The following SYCP3 variants were observed in gnomAD, a reference collection of about 807,000 sequenced individuals.
The protein encoded by SYCP3 is synaptonemal complex protein 3.
SYCP3 carries 29 observed loss-of-function variants against 38.5 expected under a neutral mutation model. That is an observed-to-expected ratio of 0.75 (90% CI 0.56 to 1.03). SYCP3 has a LOEUF of 1.03. Among genes scored for constraint, SYCP3 ranks in the 50% least tolerant of loss-of-function variants. The pLI is 0.00. For synonymous variants in SYCP3, 79 were observed against 80.3 expected (o/e 0.98, Z 0.08); for missense variants, 242 against 270.7 (o/e 0.89, Z 0.74).
At chr12:101,739,017 G>C (rs1225699813) in intron 1 of SYCP3, among the ~76,000 whole-genome samples, 1 of 152,250 alleles carries the variant, frequency 6.6e-6, no homozygotes, top group Non-Finnish European at 1.5e-5. Context: ...ACAGGCAGAA[G>C]ATTTCGACAA....
chr12:101,730,081 G>GTTT lies in SYCP3; in HGVS notation c.553-871_553-869dup, dbSNP rs1281071915. 2.0e-5 allele frequency among the ~76,000 whole-genome samples: 3 copies of GTTT among 152,244 alleles called. No individual in the cohort carries two copies. The East Asian group carries it at 5.8e-4, about 29-fold the overall frequency. On this transcript the variant is annotated intron_variant, in intron 7 of 8. Transcript: ENST00000392924. ...AATTTAGAACAGGAGGCTACTGACA[G>GTTT]TTTTTCAAGAGGGAAGAGATATATT...
rs1468068714 is a variant in SYCP3 at position 101,731,570 on chromosome 12, T to C, written c.550A>G (p.Lys184Glu). 6.3e-7 allele frequency: 1 copy of C among 1,598,526 alleles called. No homozygotes were observed. Among genetic ancestry groups the C allele is most frequent in the South Asian group, 1.1e-5 (1 of 88,628 alleles). The change falls in exon 7 of 9, where the codon AAG becomes GAG. Residue 184 changes from lysine (K) to glutamate (E), a missense_variant and splice_region_variant. Lys to Glu is a moderately conservative substitution (Grantham distance 56, BLOSUM62 1). Transcript: ENST00000392924. ...TIKQLYEQFI[K>E]SMEELEKNHD... ...TTGTGTTACCACATACAACAAACCT[T>C]TATGAACTGCTCATATAACTGTTTA...
At chr12:101,734,513 A>G (rs1423915368) in intron 5 of SYCP3, among the ~76,000 whole-genome samples, 2 of 152,232 alleles carry the variant, frequency 1.3e-5, no homozygotes, top group Non-Finnish European at 2.9e-5. Flanking sequence ...GAGTGAGGTT[A>G]TAGGGCTACA....
rs193125752 is a variant in SYCP3 at position 101,734,059 on chromosome 12, T to C, written c.354-385A>G. Among the ~76,000 whole-genome samples, 327 of 152,318 alleles carry C rather than the reference T, an allele frequency of 2.1e-3. 1 individual carries two copies. Among genetic ancestry groups the C allele is most frequent in the African/African-American group, 7.5e-3 (310 of 41,586 alleles). On this transcript the variant is annotated intron_variant, in intron 5 of 8. Transcript: ENST00000392924. ...GTATTTATCCTATAAGATTTCTAAATAGAAATAGTTCGCTTAATTTTTTTC... is the reference window on the plus strand; with the variant it reads ...GTATTTATCCTATAAGATTTCTAAACAGAAATAGTTCGCTTAATTTTTTTC...
At chr12:101,738,095 A>G in intron 1 of SYCP3, 143 bp from the exon 2 acceptor site, 2 of 939,456 alleles carry the variant, frequency 2.1e-6, no homozygotes, top group Non-Finnish European at 3.2e-6. Flanking sequence ...TGGGGGGCCA[A>G]AAGTTAAGAA....
At chr12:101,735,426 T>C (rs1952364120) in intron 4 of SYCP3, among the ~76,000 whole-genome samples, 1 of 152,014 alleles carries the variant, frequency 6.6e-6, no homozygotes, top group African/African-American at 2.4e-5. Flanking sequence ...ACTTTGGGAG[T>C]CTGAGGCAGG....
intron 5 of SYCP3, among the ~76,000 whole-genome samples, chr12:101,734,607 G>GT (rs1006780793): frequency 3.3e-5 from 5 of 151,850 alleles, no homozygotes; most frequent in East Asian, 3.9e-4. Flanking sequence ...TTCTTTTCTT[G>GT]TTTTTTTTGA....
At chr12:101,735,486 G>A (rs373818484) in intron 4 of SYCP3, among the ~76,000 whole-genome samples, 3 of 151,884 alleles carry the variant, frequency 2.0e-5, no homozygotes, top group Admixed American at 6.6e-5. Flanking sequence ...CGTGGTGAAA[G>A]CCTGTCTCTA....
intron 3 of SYCP3, 71 bp downstream of exon 3, chr12:101,737,161 A>G: frequency 1.9e-6 from 3 of 1,602,226 alleles, no homozygotes; most frequent in Admixed American, 1.7e-5. Flanking sequence ...AGTATTTTAC[A>G]TATATTATTT....
chr12:101,732,577 A>G (rs775390225), intron 6 of SYCP3: 1 of 151,850 alleles, frequency 6.6e-6, no homozygotes, highest in Non-Finnish European at 1.5e-5. Context: ...ACTTTAAATC[A>G]TTTCTAGATC....
chr12:101,735,871 A>ATATATATATATATATTTTTTTTTTT, intron 4 of SYCP3, among the ~76,000 whole-genome samples: 37 of 74,694 alleles, frequency 5.0e-4, no homozygotes, highest in East Asian at 2.7e-3. Context: ...ATATATATAT[A>ATATATATATATATATTTTTTTTTTT]TTTTTTTTTT....
intron 1 of SYCP3, 180 bp downstream of exon 1, chr12:101,739,171 G>T: frequency 1.3e-5 from 3 of 231,908 alleles, no homozygotes; most frequent in Non-Finnish European, 2.1e-5. Flanking sequence ...CCCAGCCCCA[G>T]CCCAGCCCGC....
At chr12:101,735,871 A>ATATATATATATATTTTTTTTTT in intron 4 of SYCP3, among the ~76,000 whole-genome samples, 7 of 74,758 alleles carry the variant, frequency 9.4e-5, no homozygotes, top group African/African-American at 4.4e-4. Flanking sequence ...ATATATATAT[A>ATATATATATATATTTTTTTTTT]TTTTTTTTTT....
chr12:101,737,745 A>G lies in SYCP3; in HGVS notation c.133+58T>C, dbSNP rs371076059. The G allele has an allele frequency of 3.2e-5, 51 of 1,610,734 alleles. No individual in the cohort carries two copies. In the South Asian group the frequency reaches 3.4e-4, roughly 11 times the overall value. ...CAAACTAAGTTGTACGATAGTCTCA[A>G]TGGGTTCAAAACAAATGAACTGAAG... is the stretch of plus-strand genomic sequence containing the variant. On this transcript the variant is annotated intron_variant, in intron 2 of 8. Coordinates refer to ENST00000392924, the MANE Select transcript of SYCP3 (RefSeq NM_001177949.2).
chr12:101,736,655 TAACTA>T (rs1246122578), intron 4 of SYCP3, among the ~76,000 whole-genome samples: 2 of 151,702 alleles, frequency 1.3e-5, no homozygotes, highest in East Asian at 3.9e-4. Context: ...AGTCAGAAAA[TAACTA>T]AACTGAAAAA....
intron 4 of SYCP3, among the ~76,000 whole-genome samples, chr12:101,735,826 A>G (rs1020229467): frequency 2.0e-4 from 28 of 139,874 alleles, no homozygotes; most frequent in African/African-American, 7.4e-4. Flanking sequence ...GTTAAAGAAG[A>G]AAACTATTTT....
At chr12:101,732,572 A>C (rs1952230703) in intron 6 of SYCP3, 1 of 152,144 alleles carries the variant, frequency 6.6e-6, no homozygotes, top group Admixed American at 6.5e-5. Context: ...CACATACTTT[A>C]AATCATTTCT....
intron 1 of SYCP3, 124 bp downstream of exon 1, chr12:101,739,227 T>C (rs747929595): frequency 1.6e-5 from 16 of 980,980 alleles, no homozygotes; most frequent in Non-Finnish European, 1.9e-5. Flanking sequence ...TGTCCTCAGG[T>C]TCGCGGCCTC....
At chr12:101,734,419 T>C (rs1190636883) in intron 5 of SYCP3, among the ~76,000 whole-genome samples, 2 of 151,964 alleles carry the variant, frequency 1.3e-5, no homozygotes, top group Non-Finnish European at 2.9e-5. Context: ...AAAAACGAAA[T>C]TACTTTTATA....
Sources: gnomAD v4.1 joint callset for allele counts (sites outside exome capture counted in the v4.1 genomes callset) on GRCh38, gnomAD v4.1.1 for gene constraint, MANE v1.5 for transcripts, NCBI Gene and HGNC (gene_info 2026-07-23, HGNC 2026-07-21) for gene names.